WWP2: variants seen among roughly 807,000 people sequenced by gnomAD.
WWP2 encodes WW domain containing E3 ubiquitin protein ligase 2.
A neutral mutation model predicts 121.0 loss-of-function variants in WWP2; 57 were observed. The observed-to-expected ratio is 0.47, with a 90% CI of 0.38 to 0.59. WWP2 has a LOEUF of 0.59. Ranked by LOEUF, WWP2 falls within the 20% of genes least tolerant of loss-of-function variation. The pLI is 0.00. For missense variants in WWP2, 962 were observed against 1,158.9 expected (o/e 0.83, Z 2.47); for synonymous variants, 449 against 441.3 (o/e 1.02, Z -0.22).
chr16:69,850,385 TC>T (rs2057184322), intron 6 of WWP2, among the ~76,000 whole-genome samples: 1 of 68,286 alleles, frequency 1.5e-5, no homozygotes, highest in Non-Finnish European at 2.7e-5. Flanking sequence ...AGACTCCATC[TC>T]AAAAAAAAAA....
At chr16:69,852,187 G>A (rs2057228688) in intron 6 of WWP2, among the ~76,000 whole-genome samples, 2 of 152,206 alleles carry the variant, frequency 1.3e-5, no homozygotes, top group Non-Finnish European at 2.9e-5. Flanking sequence ...CAGGTTTGAT[G>A]TAGTCCATTT....
intron 6 of WWP2, among the ~76,000 whole-genome samples, chr16:69,846,191 A>C (rs1249539568): frequency 2.0e-5 from 3 of 152,192 alleles, no homozygotes; most frequent in African/African-American, 7.2e-5. Context: ...GATTATGTAA[A>C]GAAAGAGTTA....
chr16:69,832,930 G>C (rs555632984), intron 4 of WWP2, among the ~76,000 whole-genome samples: 5 of 152,288 alleles, frequency 3.3e-5, no homozygotes, highest in South Asian at 4.1e-4. Context: ...ACATGGCTCA[G>C]TGCAGCCTTG....
chr16:69,840,238 G>A lies in WWP2; in HGVS notation c.453G>A (p.Val151=). The A allele has an allele frequency of 6.2e-7, 1 of 1,614,202 alleles. No homozygotes were observed. The highest frequency in any genetic ancestry group is 1.7e-4 in the Middle Eastern group (1 of 6,050). Residue 151 remains valine, a synonymous_variant, in exon 5 of 24, where the codon GTG becomes GTA. Coordinates refer to ENST00000359154, the MANE Select transcript of WWP2 (RefSeq NM_001270454.2). ...LDGPTVDLGN[V]PNGSALTDGS... The stretch of plus-strand genomic sequence containing the variant: ...GGCCAACTGTTGATCTGGGAAATGT[G>A]CCTAATGGCAGTGCCCTGACAGATG...
intron 1 of WWP2, among the ~76,000 whole-genome samples, chr16:69,762,968 G>A (rs1214060252): frequency 1.3e-5 from 2 of 152,046 alleles, no homozygotes; most frequent in Non-Finnish European, 2.9e-5. Flanking sequence ...TTAGTCCTGC[G>A]TGGGTAGGGT....
intron 4 of WWP2, among the ~76,000 whole-genome samples, chr16:69,825,375 G>C (rs2056666657): frequency 6.6e-6 from 1 of 150,886 alleles, no homozygotes; most frequent in Non-Finnish European, 1.5e-5. Context: ...AGTGAGTTGA[G>C]ATGGTGCCAC....
At chr16:69,815,442 A>C (rs1469317583) in intron 4 of WWP2, among the ~76,000 whole-genome samples, 1 of 151,702 alleles carries the variant, frequency 6.6e-6, no homozygotes, top group Non-Finnish European at 1.5e-5. Flanking sequence ...TGATCATGGC[A>C]CTGTATTCTA....
intron 8 of WWP2, among the ~76,000 whole-genome samples, chr16:69,905,591 A>C (rs1203012762): frequency 6.6e-6 from 1 of 152,208 alleles, no homozygotes. Context: ...CCAAAATCTG[A>C]AAACAAAAAA....
intron 2 of WWP2, among the ~76,000 whole-genome samples, chr16:69,793,108 C>G (rs1015216040): frequency 6.6e-6 from 1 of 152,106 alleles, no homozygotes; most frequent in African/African-American, 2.4e-5. Flanking sequence ...GTAATCCGAG[C>G]ACTTTGGGAG....
intron 4 of WWP2, among the ~76,000 whole-genome samples, chr16:69,839,444 C>T (rs2056935422): frequency 6.6e-6 from 1 of 152,180 alleles, no homozygotes; most frequent in Admixed American, 6.5e-5. Context: ...GCTTCTGCCT[C>T]CAGTCAGCTT....
chr16:69,897,103 T>C (rs921074878), intron 8 of WWP2, among the ~76,000 whole-genome samples: 1 of 152,004 alleles, frequency 6.6e-6, no homozygotes, highest in Non-Finnish European at 1.5e-5. Context: ...TCTTTTTTTT[T>C]TTGTTTGTGT....
intron 4 of WWP2, among the ~76,000 whole-genome samples, chr16:69,821,749 A>G (rs1352218112): frequency 7.9e-6 from 1 of 127,092 alleles, no homozygotes; most frequent in Non-Finnish European, 1.6e-5. Context: ...TTTTGTAGAG[A>G]TGTAGTCTCA....
At chr16:69,877,515 G>A (rs1171497428) in intron 7 of WWP2, among the ~76,000 whole-genome samples, 1 of 152,176 alleles carries the variant, frequency 6.6e-6, no homozygotes, top group Non-Finnish European at 1.5e-5. Flanking sequence ...TCACTCAAGT[G>A]TTCATCAGAG....
At chr16:69,804,106 ATTCTTCGTCTT>A (rs2056227667) in intron 4 of WWP2, among the ~76,000 whole-genome samples, 1 of 152,178 alleles carries the variant, frequency 6.6e-6, no homozygotes, top group Non-Finnish European at 1.5e-5. Context: ...TAAGGTTATT[ATTCTTCGTCTT>A]ACCATTTGTA....
At chr16:69,810,039 C>T (rs900790421) in intron 4 of WWP2, among the ~76,000 whole-genome samples, 6 of 152,114 alleles carry the variant, frequency 3.9e-5, no homozygotes, top group Admixed American at 2.0e-4. Flanking sequence ...CTCCTCTCAC[C>T]GTGGCCTAGT....
At position 69,937,695 on chromosome 16, in the gene WWP2, C is replaced by G; in HGVS notation, c.2343+43C>G. On this transcript the variant is annotated intron_variant, in intron 21 of 23. Coordinates refer to ENST00000359154, the MANE Select transcript of WWP2 (RefSeq NM_001270454.2). The surrounding 1 kb of genome is among the most constrained non-coding windows in gnomAD (Gnocchi z 6.6). ...GCCTTGGCAGGGACATTTGGGCCAT[C>G]AACCAAAGGAAACGGGTCCTGAGGA... 6.2e-7 allele frequency: 1 copy of G among 1,602,276 alleles called. No homozygotes were observed.
At position 69,937,407 on chromosome 16, in the gene WWP2, C is replaced by CTTACTTTACATTTCA. The variant is rs1403511259; in HGVS notation, c.2239-141_2239-140insTTACTTTACATTTCA. The CTTACTTTACATTTCA allele has an allele frequency of 1.5e-6, 2 of 1,343,040 alleles. No homozygotes were observed. Among genetic ancestry groups the CTTACTTTACATTTCA allele is most frequent in the African/African-American group, 2.9e-5 (2 of 68,264 alleles). 83.2% of individuals were successfully genotyped at this position (1,343,040 alleles called of 1,614,324 possible). A position where few individuals can be genotyped will look rare whatever the true frequency, so the allele number is the denominator to read the frequency against. ...TCCCCAGACACTTGTTTCAAGAAAG[C>CTTACTTTACATTTCA]AGGGACTTACATTACCCATATTATT... On this transcript the variant is annotated intron_variant, in intron 20 of 23. Transcript: ENST00000359154. The surrounding 1 kb of genome is among the most constrained non-coding windows in gnomAD (Gnocchi z 6.6).
intron 7 of WWP2, among the ~76,000 whole-genome samples, chr16:69,886,446 A>G (rs1196416869): frequency 6.6e-6 from 1 of 151,316 alleles, no homozygotes; most frequent in Admixed American, 6.6e-5. Context: ...TCAGCCTCAC[A>G]TGAAGAAAAA....
chr16:69,863,720 G>C (rs2057469092), intron 6 of WWP2, among the ~76,000 whole-genome samples: 1 of 152,162 alleles, frequency 6.6e-6, no homozygotes, highest in South Asian at 2.1e-4. Context: ...CCCCTTTGTA[G>C]CCAGCTCCTC....
Sources: allele counts gnomAD v4.1 joint callset (sites outside exome capture counted in the v4.1 genomes callset), GRCh38; gene constraint gnomAD v4.1.1; non-coding constraint Gnocchi (gnomAD v3.1); transcripts MANE v1.5; gene names NCBI Gene and HGNC (gene_info 2026-07-23, HGNC 2026-07-21).